Variants in ZPLD1 observed in about 807,000 individuals in gnomAD.
ZPLD1 encodes the protein zona pellucida like domain containing 1.
A neutral mutation model predicts 47.2 loss-of-function variants in ZPLD1; 34 were observed. That is an observed-to-expected ratio of 0.72 (90% CI 0.55 to 0.96). The LOEUF (loss-of-function observed/expected upper bound fraction) is 0.96. Among genes scored for constraint, ZPLD1 ranks in the 40% least tolerant of loss-of-function variants. ZPLD1 has a pLI of 0.00. For synonymous variants in ZPLD1, 176 were observed against 186.2 expected, an observed-to-expected ratio of 0.95 and a Z score of 0.45; for missense variants, 512 against 505.8, an observed-to-expected ratio of 1.01 and a Z score of -0.12.
intron 5 of ZPLD1, among the ~76,000 whole-genome samples, chr3:102,457,149 G>C (rs898231069): frequency 2.0e-5 from 3 of 152,218 alleles, no homozygotes; most frequent in African/African-American, 7.2e-5. Context: ...ATGAGGAAAT[G>C]TGGAGGCCAC....
At chr3:102,468,812 G>A (rs1219571381) in intron 8 of ZPLD1, 152 bp from the exon 9 acceptor site, 1 of 665,428 alleles carries the variant, frequency 1.5e-6, no homozygotes, top group East Asian at 2.9e-5. Flanking sequence ...TGTTGAATTA[G>A]CTTATGCTAT....
In ZPLD1 at chr3:102,469,000, T is replaced by C. The variant is rs1313536479; in HGVS notation, c.798T>C (p.Asn266=). Residue 266 remains asparagine (N), a synonymous_variant, in exon 9 of 12, where the codon AAT becomes AAC. Transcript: ENST00000466937. ...ACCCTCAGACCACCGTCATTGAGAA[T>C]GGCCGAAGCCAGCGGGGCCGGTTTT... ...DKDPQTTVIE[N]GRSQRGRFSF... The C allele has an allele frequency of 2.5e-6, 4 of 1,613,898 alleles. No homozygotes were observed. In the Middle Eastern group the frequency reaches 4.9e-4, roughly 199 times the overall value.
intron 1 of ZPLD1, 112 bp downstream of exon 1, chr3:102,435,266 A>G: frequency 8.3e-7 from 1 of 1,202,500 alleles, no homozygotes. Flanking sequence ...AAGACTATAG[A>G]GATTCAAAAT....
intron 10 of ZPLD1, among the ~76,000 whole-genome samples, chr3:102,471,621 G>T (rs1707687453): frequency 6.6e-6 from 1 of 152,166 alleles, no homozygotes; most frequent in Admixed American, 6.5e-5. Flanking sequence ...TGAACCCAGA[G>T]ACTTTCAGAG....
rs1011678054 is a variant in ZPLD1, at chr3:102,464,057, G to A, written c.681-114G>A. ...GGAACAAGACTCCGTCTCAAAAAAA[G>A]AAAAGAAAGAAAGAAGGAAAAAGAA... On this transcript the variant is annotated intron_variant, in intron 7 of 11. Coordinates refer to ENST00000466937, the MANE Select transcript of ZPLD1 (RefSeq NM_001329788.2). 5 of 792,700 alleles carry A rather than the reference G, an allele frequency of 6.3e-6. No individual in the cohort carries two copies. The African/African-American group carries it at 8.7e-5, about 14-fold the overall frequency. The allele number at this position is 792,700 out of a possible 1,614,324, so 49.1% of individuals were successfully genotyped here.
chr3:102,420,891 A>T (rs1706869469), intron 8 of ZPLD1, among the ~76,000 whole-genome samples: 1 of 152,016 alleles, frequency 6.6e-6, no homozygotes, highest in African/African-American at 2.4e-5. Flanking sequence ...CAAGAAGAGT[A>T]AAGTTATACT....
intron 6 of ZPLD1, among the ~76,000 whole-genome samples, chr3:102,459,695 A>G (rs909934698): frequency 6.6e-6 from 1 of 152,176 alleles, no homozygotes; most frequent in African/African-American, 2.4e-5. Context: ...TAAATCAGTT[A>G]TAGAGCAGTT....
Position 102,442,636 on chromosome 3 carries a change from C to T in ZPLD1, c.106+4043C>T, listed in dbSNP as rs982175930. ...GTCATCAGGAGCTCCACAAGCTGCT[C>T]GGAGGCTAAGCAATGGGATGGAATG... On this transcript the variant is annotated intron_variant, in intron 3 of 11. Coordinates refer to ENST00000466937, the MANE Select transcript of ZPLD1 (RefSeq NM_001329788.2). 5.9e-5 allele frequency among the ~76,000 whole-genome samples: 9 copies of T among 152,078 alleles called. No individual in the cohort carries two copies. The South Asian group carries it at 1.2e-3, about 21-fold the overall frequency.
In ZPLD1 at chr3:102,456,280, C is replaced by G; in HGVS notation, c.415C>G (p.Pro139Ala). ...TTCAGGATATATTGATACTCCAGAC[C>G]CACCAACAATCATCAGCTATCTACC... The part of the protein sequence containing the change: ...NISGYIDTPD[P>A]PTIISYLPGL... The change falls in exon 5 of 12, where the codon CCA becomes GCA. Residue 139 changes from proline to alanine, a missense_variant. Coordinates refer to ENST00000466937, the MANE Select transcript of ZPLD1 (RefSeq NM_001329788.2). The G allele has an allele frequency of 6.2e-7, 1 of 1,613,636 alleles. No individual in the cohort carries two copies. The highest frequency in any genetic ancestry group is 1.3e-5 in the African/African-American group (1 of 74,984).
At chr3:102,453,247 A>C in intron 4 of ZPLD1, 108 bp downstream of exon 4, 1 of 993,610 alleles carries the variant, frequency 1.0e-6, no homozygotes, top group Non-Finnish European at 1.5e-6. Flanking sequence ...AAAAAATAAA[A>C]TTGAACAAAT....
upstream of ZPLD1, among the ~76,000 whole-genome samples, chr3:102,433,443 A>G (rs62274736): frequency 0.13 from 19,954 of 152,268 alleles, 1,383 homozygotes; most frequent in Middle Eastern, 0.18. Context: ...AAACACATAT[A>G]AAAGTATTTA....
At chr3:102,452,536 T>C (rs917284286) in intron 3 of ZPLD1, among the ~76,000 whole-genome samples, 2 of 152,146 alleles carry the variant, frequency 1.3e-5, no homozygotes, top group Admixed American at 6.5e-5. Context: ...GTAGTGATTT[T>C]CACTACTCTT....
At chr3:102,473,070 T>A (rs1228347818) in intron 10 of ZPLD1, among the ~76,000 whole-genome samples, 1 of 151,972 alleles carries the variant, frequency 6.6e-6, no homozygotes, top group East Asian at 1.9e-4. Flanking sequence ...AACCATGAGA[T>A]CTTGTGAGAT....
intron 10 of ZPLD1, among the ~76,000 whole-genome samples, chr3:102,476,378 T>G (rs1429243423): frequency 2.0e-5 from 3 of 152,190 alleles, no homozygotes; most frequent in African/African-American, 7.2e-5. Context: ...TTATCGCATC[T>G]ATTATTGTGT....
chr3:102,395,042 A>G (rs1002807112), intron 7 of ZPLD1, among the ~76,000 whole-genome samples: 2 of 152,256 alleles, frequency 1.3e-5, no homozygotes, highest in Admixed American at 6.5e-5. Flanking sequence ...AGATGGCATC[A>G]GTGGGGTAGT....
At chr3:102,457,357 T>C (rs770964957) in intron 5 of ZPLD1, among the ~76,000 whole-genome samples, 2 of 152,218 alleles carry the variant, frequency 1.3e-5, no homozygotes, top group Non-Finnish European at 2.9e-5. Flanking sequence ...TTCAATTCCA[T>C]GGAAATTCAT....
At chr3:102,397,346 G>C (rs1706569700) in intron 7 of ZPLD1, among the ~76,000 whole-genome samples, 1 of 151,890 alleles carries the variant, frequency 6.6e-6, no homozygotes, top group African/African-American at 2.4e-5. Context: ...TCCTCCTACT[G>C]CTTCAGTTAA....
intron 6 of ZPLD1, among the ~76,000 whole-genome samples, chr3:102,388,317 G>A (rs1311993559): frequency 6.6e-6 from 1 of 151,806 alleles, no homozygotes; most frequent in Non-Finnish European, 1.5e-5. Context: ...TCTCATATTT[G>A]TAATTTTTGG....
chr3:102,398,871 TGC>T (rs1706586885), intron 7 of ZPLD1, among the ~76,000 whole-genome samples: 1 of 146,676 alleles, frequency 6.8e-6, no homozygotes, highest in Admixed American at 6.7e-5. Flanking sequence ...CTTTTATGCG[TGC>T]GCACGCACAC....
Sources: gnomAD v4.1 joint callset for allele counts (sites outside exome capture counted in the v4.1 genomes callset) on GRCh38, gnomAD v4.1.1 for gene constraint, MANE v1.5 for transcripts, NCBI Gene and HGNC (gene_info 2026-07-23, HGNC 2026-07-21) for gene names.